MTHFD2L: variants seen among roughly 807,000 people sequenced by gnomAD.
MTHFD2L encodes the protein methylenetetrahydrofolate dehydrogenase (NADP+ dependent) 2 like.
A neutral mutation model predicts 34.9 loss-of-function variants in MTHFD2L; 29 were observed. The observed-to-expected ratio is 0.83, with a 90% CI of 0.62 to 1.13. The LOEUF is 1.13. MTHFD2L is among the 50% of genes most tolerant of loss of function. The pLI is 0.00. For synonymous variants in MTHFD2L, 167 were observed against 155.7 expected (o/e 1.07, Z -0.54); for missense variants, 481 against 446.5 (o/e 1.08, Z -0.70).
intron 5 of MTHFD2L, among the ~76,000 whole-genome samples, chr4:74,224,362 A>G (rs1578527772): frequency 6.6e-6 from 1 of 152,078 alleles, no homozygotes; most frequent in African/African-American, 2.4e-5. Flanking sequence ...TTCTCCCTGT[A>G]TGGTATCTAC....
At chr4:74,289,248 A>G (rs1242395559) in intron 7 of MTHFD2L, among the ~76,000 whole-genome samples, 1 of 152,184 alleles carries the variant, frequency 6.6e-6, no homozygotes, top group Non-Finnish European at 1.5e-5. Context: ...AGTTTCTTAG[A>G]AAAGGTGGTC....
At chr4:74,121,265 G>A (rs1390441187), upstream of MTHFD2L, among the ~76,000 whole-genome samples, 1 of 152,104 alleles carries the variant, frequency 6.6e-6, no homozygotes, top group East Asian at 1.9e-4. Context: ...TCAACTGCTT[G>A]AGATGGCAAA....
At chr4:74,296,191 A>G (rs1479254543) in intron 7 of MTHFD2L, among the ~76,000 whole-genome samples, 1 of 152,192 alleles carries the variant, frequency 6.6e-6, no homozygotes, top group Non-Finnish European at 1.5e-5. Context: ...ATGTTGGGCC[A>G]GAAGATAAAA....
chr4:74,170,536 G>T (rs531396731), intron 1 of MTHFD2L, among the ~76,000 whole-genome samples: 2 of 152,070 alleles, frequency 1.3e-5, no homozygotes, highest in African/African-American at 4.8e-5. Flanking sequence ...ATTAGGCAAA[G>T]ATTTCTTTTA....
chr4:74,246,836 G>A (rs370938571), intron 6 of MTHFD2L, among the ~76,000 whole-genome samples: 1 of 152,080 alleles, frequency 6.6e-6, no homozygotes, highest in Non-Finnish European at 1.5e-5. Context: ...CCATTGATCT[G>A]TATCTCTGTT....
At chr4:74,141,239 T>C (rs1469661466) in intron 1 of MTHFD2L, among the ~76,000 whole-genome samples, 3 of 152,164 alleles carry the variant, frequency 2.0e-5, no homozygotes, top group African/African-American at 4.8e-5. Flanking sequence ...ATCGAGATAA[T>C]TGGCTTAAGC....
intron 1 of MTHFD2L, among the ~76,000 whole-genome samples, chr4:74,150,129 G>A (rs767399708): frequency 3.9e-5 from 6 of 152,230 alleles, no homozygotes; most frequent in Middle Eastern, 3.4e-3. Flanking sequence ...TACAGAACAC[G>A]CAAAAAGGAA....
intron 6 of MTHFD2L, among the ~76,000 whole-genome samples, chr4:74,269,513 TAGC>T (rs1266012976): frequency 1.3e-5 from 2 of 151,854 alleles, no homozygotes; most frequent in Non-Finnish European, 2.9e-5. Flanking sequence ...TAAAATCTAG[TAGC>T]TTGTTTTTTA....
intron 1 of MTHFD2L, among the ~76,000 whole-genome samples, chr4:74,131,067 G>A (rs913796894): frequency 1.3e-4 from 20 of 151,982 alleles, no homozygotes; most frequent in South Asian, 1.0e-3. Flanking sequence ...ACTACAAACC[G>A]CTGCTCAAGG....
chr4:74,188,949 C>G (rs1052656992), intron 3 of MTHFD2L, among the ~76,000 whole-genome samples: 5 of 151,574 alleles, frequency 3.3e-5, no homozygotes, highest in African/African-American at 1.2e-4. Flanking sequence ...AGAAAAAATA[C>G]AATAAAACTA....
upstream of MTHFD2L, among the ~76,000 whole-genome samples, chr4:74,122,985 A>G (rs1721835390): frequency 6.6e-6 from 1 of 152,214 alleles, no homozygotes; most frequent in Admixed American, 6.5e-5. Context: ...TATAAGTTTT[A>G]AGTTTATTTC....
chr4:74,158,073 C>T (rs1724505890), upstream of MTHFD2L: 2 of 1,531,688 alleles, frequency 1.3e-6, no homozygotes, highest in African/African-American at 1.4e-5. Context: ...GGAGCCAGGC[C>T]TCCAGCCGCG....
chr4:74,240,994 G>A (rs1741618895), intron 6 of MTHFD2L, among the ~76,000 whole-genome samples: 1 of 152,002 alleles, frequency 6.6e-6, no homozygotes, highest in African/African-American at 2.4e-5. Context: ...TTTTTAAAAA[G>A]ACAGGGGAGA....
intron 6 of MTHFD2L, among the ~76,000 whole-genome samples, chr4:74,259,689 G>A (rs1206245846): frequency 1.3e-5 from 2 of 152,150 alleles, no homozygotes; most frequent in Admixed American, 6.5e-5. Context: ...GGAGGAGACT[G>A]GTAGTCCATG....
At chr4:74,138,376 G>A (rs987324403) in intron 1 of MTHFD2L, among the ~76,000 whole-genome samples, 1 of 152,044 alleles carries the variant, frequency 6.6e-6, no homozygotes, top group African/African-American at 2.4e-5. Context: ...CTCCCAATAC[G>A]GCAGCAAACC....
chr4:74,246,583 G>A (rs1446640867), intron 6 of MTHFD2L, among the ~76,000 whole-genome samples: 10 of 152,094 alleles, frequency 6.6e-5, no homozygotes, highest in Non-Finnish European at 1.2e-4. Context: ...TAATGCCTAG[G>A]TTTTCTTCTA....
intron 6 of MTHFD2L, among the ~76,000 whole-genome samples, chr4:74,231,874 G>C (rs1254963327): frequency 6.6e-6 from 1 of 151,980 alleles, no homozygotes; most frequent in Non-Finnish European, 1.5e-5. Flanking sequence ...TTTTAGTGTG[G>C]TTTATGTGTA....
intron 5 of MTHFD2L, among the ~76,000 whole-genome samples, chr4:74,219,657 G>A (rs1737812370): frequency 6.6e-6 from 1 of 152,136 alleles, no homozygotes; most frequent in Admixed American, 6.6e-5. Context: ...GCATCCAGGT[G>A]CTCACCAGCA....
intron 6 of MTHFD2L, among the ~76,000 whole-genome samples, chr4:74,276,487 A>T (rs1578690263): frequency 6.6e-6 from 1 of 152,296 alleles, no homozygotes; most frequent in African/African-American, 2.4e-5. Context: ...AGTAAAGCTC[A>T]TAGGAATAAT....
Sources: allele counts gnomAD v4.1 joint callset (sites outside exome capture counted in the v4.1 genomes callset), GRCh38; gene constraint gnomAD v4.1.1; transcripts MANE v1.5; gene names NCBI Gene and HGNC (gene_info 2026-07-23, HGNC 2026-07-21).